EXT1: variants seen among roughly 807,000 people sequenced by gnomAD.
The protein encoded by EXT1 is exostosin-1.
Under a neutral mutation model 82.5 loss-of-function variants are expected in EXT1, and 20 were observed. The observed-to-expected ratio is 0.24, with a 90% CI of 0.17 to 0.35. EXT1 has a LOEUF of 0.35. Ranked by LOEUF, EXT1 falls within the 10% of genes least tolerant of loss-of-function variation. The pLI is 1.00. For missense variants in EXT1, 757 were observed against 936.5 expected (o/e 0.81, Z 2.50); for synonymous variants, 348 against 350.8 (o/e 0.99, Z 0.09).
chr8:118,095,165 T>G (rs2130007792), intron 1 of EXT1, among the ~76,000 whole-genome samples: 1 of 152,324 alleles, frequency 6.6e-6, no homozygotes, highest in Admixed American at 6.5e-5. Flanking sequence ...CCAAGGGGGC[T>G]CATTTCTTAG....
chr8:118,051,293 G>A (rs2129924208), intron 1 of EXT1, among the ~76,000 whole-genome samples: 1 of 152,112 alleles, frequency 6.6e-6, no homozygotes, highest in South Asian at 2.1e-4. Flanking sequence ...AGCCATGATG[G>A]TACCACTGCA....
At chr8:118,107,788 G>A (rs970708142) in intron 1 of EXT1, among the ~76,000 whole-genome samples, 3 of 152,196 alleles carry the variant, frequency 2.0e-5, no homozygotes, top group East Asian at 3.8e-4. Flanking sequence ...TCAGAGGAAT[G>A]AGTCAAAACT....
intron 1 of EXT1, among the ~76,000 whole-genome samples, chr8:118,048,248 T>C (rs964078042): frequency 6.6e-6 from 1 of 152,182 alleles, no homozygotes; most frequent in Non-Finnish European, 1.5e-5. Context: ...CAGTCACTTA[T>C]CAAACACCTA....
At position 117,972,957 on chromosome 8, in the gene EXT1, G is replaced by A. The variant is rs969293081; in HGVS notation, c.963-135756C>T. Among the ~76,000 whole-genome samples, 9 of 152,120 alleles carry A rather than the reference G, an allele frequency of 5.9e-5. No homozygotes were observed. The East Asian group carries it at 1.2e-3, about 20-fold the overall frequency. ...GGAACTAAAATTCAGATGAGATTTC[G>A]GTGGGGACACTGCCAAACCGTATCA... On this transcript the variant is annotated intron_variant, in intron 1 of 10. Coordinates refer to ENST00000378204, the MANE Select transcript of EXT1 (RefSeq NM_000127.3).
chr8:118,105,047 G>A (rs932091032), intron 1 of EXT1, among the ~76,000 whole-genome samples: 1 of 152,118 alleles, frequency 6.6e-6, no homozygotes, highest in African/African-American at 2.4e-5. Context: ...GTAGCCTCAG[G>A]CAAGTCACCT....
chr8:117,865,790 A>G (rs1364779004), intron 1 of EXT1, among the ~76,000 whole-genome samples: 1 of 152,208 alleles, frequency 6.6e-6, no homozygotes, highest in East Asian at 1.9e-4. Flanking sequence ...AGGTTGACAA[A>G]TATTTACACC....
At chr8:117,999,934 G>GTATA (rs147547390) in intron 1 of EXT1, among the ~76,000 whole-genome samples, 3 of 148,726 alleles carry the variant, frequency 2.0e-5, no homozygotes, top group East Asian at 3.9e-4. Context: ...ATTTCTGAGT[G>GTATA]TATATATATA....
chr8:118,048,757 G>C (rs1316433172), intron 1 of EXT1, among the ~76,000 whole-genome samples: 1 of 152,114 alleles, frequency 6.6e-6, no homozygotes, highest in Non-Finnish European at 1.5e-5. Flanking sequence ...ATCTATGAGT[G>C]GAATTAAATT....
chr8:117,863,734 T>A (rs928070202), intron 1 of EXT1, among the ~76,000 whole-genome samples: 1 of 152,100 alleles, frequency 6.6e-6, no homozygotes, highest in African/African-American at 2.4e-5. Context: ...TGGCTCCACA[T>A]CCTGCTCCTT....
At chr8:117,837,069 T>G in intron 2 of EXT1, 39 bp downstream of exon 2, 1 of 1,470,278 alleles carries the variant, frequency 6.8e-7, no homozygotes. Flanking sequence ...CTGGCTTCGG[T>G]CCTCAGCCCT....
intron 1 of EXT1, among the ~76,000 whole-genome samples, chr8:117,872,944 G>A (rs1278564650): frequency 2.6e-5 from 4 of 152,160 alleles, no homozygotes; most frequent in African/African-American, 9.7e-5. Context: ...AAGTTAAAGA[G>A]AAAGAGTGTT....
chr8:117,868,857 C>T (rs1357090499), intron 1 of EXT1, among the ~76,000 whole-genome samples: 4 of 152,118 alleles, frequency 2.6e-5, no homozygotes, highest in Admixed American at 2.6e-4. Flanking sequence ...ATGTTGAAGT[C>T]CTGCCAAAAT....
At chr8:117,875,103 G>A (rs914657920) in intron 1 of EXT1, among the ~76,000 whole-genome samples, 21 of 152,124 alleles carry the variant, frequency 1.4e-4, no homozygotes, top group Non-Finnish European at 8.8e-5. Context: ...GAAATCAGCC[G>A]CCTAAGATGA....
intron 1 of EXT1, among the ~76,000 whole-genome samples, chr8:117,940,612 G>C (rs943159522): frequency 6.6e-6 from 1 of 152,184 alleles, no homozygotes; most frequent in Non-Finnish European, 1.5e-5. Context: ...CAGGAAGCCA[G>C]ACATTAAGCC....
chr8:117,994,301 G>A lies in EXT1; in HGVS notation c.962+115784C>T, dbSNP rs555124373. On this transcript the variant is annotated intron_variant, in intron 1 of 10. Coordinates refer to ENST00000378204, the MANE Select transcript of EXT1 (RefSeq NM_000127.3). ...GTTTAAAAGTAAAGGCAGCAGATTT[G>A]GAAAATCTTCATTAAAAGGACTTGG... Among the ~76,000 whole-genome samples, 80 of 152,192 alleles carry A rather than the reference G, an allele frequency of 5.3e-4. 1 individual carries two copies. Among genetic ancestry groups the A allele is most frequent in the African/African-American group, 1.9e-3 (78 of 41,526 alleles).
At chr8:117,877,991 G>C (rs1052770120) in intron 1 of EXT1, among the ~76,000 whole-genome samples, 1 of 152,108 alleles carries the variant, frequency 6.6e-6, no homozygotes, top group East Asian at 1.9e-4. Context: ...ATAAATATTC[G>C]GCTAGGTGCG....
At chr8:117,849,078 T>TCTTGCA (rs1587009526) in intron 1 of EXT1, among the ~76,000 whole-genome samples, 1 of 152,342 alleles carries the variant, frequency 6.6e-6, no homozygotes, top group South Asian at 2.1e-4. Flanking sequence ...AACTTCTATC[T>TCTTGCA]CTTGCACTTG....
At chr8:117,935,806 G>A (rs1348597986) in intron 1 of EXT1, among the ~76,000 whole-genome samples, 2 of 152,060 alleles carry the variant, frequency 1.3e-5, no homozygotes, top group Non-Finnish European at 2.9e-5. Context: ...GACAATCACA[G>A]GTACAGAGAG....
chr8:117,920,351 G>A (rs1025832846), intron 1 of EXT1, among the ~76,000 whole-genome samples: 3 of 152,062 alleles, frequency 2.0e-5, no homozygotes, highest in Admixed American at 1.3e-4. Flanking sequence ...TGATCCACCC[G>A]CCTCGGCCTC....
Sources: gnomAD v4.1 joint callset for allele counts (sites outside exome capture counted in the v4.1 genomes callset) on GRCh38, gnomAD v4.1.1 for gene constraint, MANE v1.5 for transcripts, NCBI Gene and HGNC (gene_info 2026-07-23, HGNC 2026-07-21) for gene names.